The following RBMS3 variants were observed in gnomAD, a reference collection of about 807,000 sequenced individuals.
RBMS3 encodes RNA-binding motif, single-stranded-interacting protein 3.
Under a neutral mutation model 66.8 loss-of-function variants are expected in RBMS3, and 27 were observed. The ratio of observed to expected loss-of-function variants is 0.40; its 90% CI spans 0.30 to 0.56. The LOEUF is 0.56. Among genes scored for constraint, RBMS3 ranks in the 20% least tolerant of loss-of-function variants. The pLI is 0.40. For synonymous variants in RBMS3, 188 were observed against 183.0 expected, an observed-to-expected ratio of 1.03 and a Z score of -0.22; for missense variants, 513 against 549.5, an observed-to-expected ratio of 0.93 and a Z score of 0.66.
chr3:29,990,695 G>T (rs72849051), intron 13 of RBMS3, among the ~76,000 whole-genome samples: 21 of 152,178 alleles, frequency 1.4e-4, no homozygotes, highest in African/African-American at 4.8e-4. Context: ...ATCCCAAATG[G>T]TATAGACATG....
At chr3:29,658,327 G>A (rs993783288) in intron 4 of RBMS3, among the ~76,000 whole-genome samples, 40 of 152,166 alleles carry the variant, frequency 2.6e-4, no homozygotes, top group African/African-American at 9.2e-4. Flanking sequence ...TGTGGGCATA[G>A]CAGTCACCTG....
intron 4 of RBMS3, among the ~76,000 whole-genome samples, chr3:29,725,182 A>G (rs7616681): frequency 0.1 from 15,430 of 152,214 alleles, 889 homozygotes; most frequent in Middle Eastern, 0.21. Context: ...GAAAACATAT[A>G]ACTAAGAAAA....
At chr3:29,524,200 C>T (rs531615205) in intron 3 of RBMS3, among the ~76,000 whole-genome samples, 34 of 151,722 alleles carry the variant, frequency 2.2e-4, no homozygotes, top group Non-Finnish European at 3.8e-4. Context: ...ACCAGTAAGT[C>T]GCAGAAAGGG....
chr3:29,759,613 A>G lies in RBMS3; in HGVS notation c.558-3297A>G, dbSNP rs76007923. ...TCAACTGAAGCGTGTGCCAGATTCC[A>G]GACAGCTTGAGCTGGCATTTCAGAG... is the stretch of plus-strand genomic sequence containing the variant. On this transcript the variant is annotated intron_variant, in intron 5 of 14. Transcript: ENST00000383767. Among the ~76,000 whole-genome samples, 641 of 152,282 alleles carry G rather than the reference A, an allele frequency of 4.2e-3. 16 individuals carry two copies. Among genetic ancestry groups the G allele is most frequent in the Admixed American group, 0.035 (529 of 15,284 alleles).
At chr3:29,878,149 A>G (rs918631866) in intron 7 of RBMS3, among the ~76,000 whole-genome samples, 1 of 152,032 alleles carries the variant, frequency 6.6e-6, no homozygotes, top group Non-Finnish European at 1.5e-5. Context: ...TCCCAATCCA[A>G]TGAGAATCGA....
chr3:29,453,023 A>G (rs56034649), intron 2 of RBMS3, among the ~76,000 whole-genome samples: 3,258 of 152,244 alleles, frequency 0.021, 118 homozygotes, highest in African/African-American at 0.075. Flanking sequence ...TCTTGCTATT[A>G]ATATGTTGAT....
At chr3:29,684,916 T>C (rs773453260) in intron 4 of RBMS3, among the ~76,000 whole-genome samples, 1 of 152,084 alleles carries the variant, frequency 6.6e-6, no homozygotes, top group African/African-American at 2.4e-5. Flanking sequence ...CAGAATTCTG[T>C]TTGGTTTATG....
At chr3:29,506,370 T>G (rs1306867075) in intron 3 of RBMS3, among the ~76,000 whole-genome samples, 2 of 152,036 alleles carry the variant, frequency 1.3e-5, no homozygotes, top group African/African-American at 2.4e-5. Context: ...GTTAAGGTGA[T>G]TTATCATATT....
chr3:29,984,826 G>A (rs1053794955), intron 12 of RBMS3, among the ~76,000 whole-genome samples: 8 of 152,116 alleles, frequency 5.3e-5, no homozygotes, highest in African/African-American at 1.9e-4. Context: ...TGTATGAGGT[G>A]TCTGCCAGTC....
At chr3:29,323,198 C>T (rs923418524) in intron 1 of RBMS3, among the ~76,000 whole-genome samples, 1 of 152,138 alleles carries the variant, frequency 6.6e-6, no homozygotes, top group African/African-American at 2.4e-5. Context: ...CAAACACATA[C>T]ACAGTTGACA....
At chr3:29,987,807 T>A (rs189932095) in intron 12 of RBMS3, among the ~76,000 whole-genome samples, 17 of 152,156 alleles carry the variant, frequency 1.1e-4, no homozygotes, top group African/African-American at 4.1e-4. Context: ...AAAAGAGACA[T>A]CATCCCCAAC....
intron 10 of RBMS3, among the ~76,000 whole-genome samples, chr3:29,910,250 G>T (rs1453165945): frequency 1.3e-5 from 2 of 152,046 alleles, no homozygotes; most frequent in Admixed American, 1.3e-4. Context: ...TAGAGGTAGG[G>T]TAGATCATTT....
rs1025045207 is a variant in RBMS3 at position 29,488,601 on chromosome 3, T to G, written c.307+102T>G. The G allele has an allele frequency of 4.1e-6, 4 of 986,834 alleles. No individual in the cohort carries two copies. In the Admixed American group the frequency reaches 9.7e-5, roughly 24 times the overall value. The allele number at this position is 986,834 out of a possible 1,614,324, so 61.1% of individuals were successfully genotyped here. A position where few individuals can be genotyped will look rare whatever the true frequency, so the allele number is the denominator to read the frequency against. ...GGTACCAGCTGCACAATGATCACAATGCATAGTATGGAAAACCTCTTTAAT... is the reference window on the plus strand; with the variant it reads ...GGTACCAGCTGCACAATGATCACAAGGCATAGTATGGAAAACCTCTTTAAT... On this transcript the variant is annotated intron_variant, in intron 3 of 14. Coordinates refer to ENST00000383767, the MANE Select transcript of RBMS3 (RefSeq NM_001003793.3).
rs1201588705 is a variant in RBMS3 at position 29,690,556 on chromosome 3, G to T, written c.400-49164G>T. On this transcript the variant is annotated intron_variant, in intron 4 of 14. Transcript: ENST00000383767. ...TTTCTTTGTGATAACTTTGAAATGG[G>T]TTATATATTTTCATGACTCAGTTTT... 2.0e-5 allele frequency among the ~76,000 whole-genome samples: 3 copies of T among 152,110 alleles called. No individual in the cohort carries two copies. In the East Asian group the frequency reaches 5.8e-4, roughly 29 times the overall value.
At chr3:29,446,660 T>G (rs993264153) in intron 2 of RBMS3, among the ~76,000 whole-genome samples, 2 of 152,136 alleles carry the variant, frequency 1.3e-5, no homozygotes, top group Non-Finnish European at 2.9e-5. Context: ...GCTTTGATAG[T>G]AAAAGGGAAG....
At chr3:29,432,884 G>T (rs941828744) in intron 1 of RBMS3, among the ~76,000 whole-genome samples, 1 of 152,140 alleles carries the variant, frequency 6.6e-6, no homozygotes, top group African/African-American at 2.4e-5. Flanking sequence ...TGGAGAAAAA[G>T]TCTGATAAAA....
At chr3:29,898,112 C>T (rs775538564) in intron 9 of RBMS3, among the ~76,000 whole-genome samples, 2 of 151,620 alleles carry the variant, frequency 1.3e-5, no homozygotes, top group South Asian at 2.1e-4. Context: ...ATTCCAAGTA[C>T]ATAGGTCGAT....
intron 3 of RBMS3, among the ~76,000 whole-genome samples, chr3:29,580,103 T>C (rs1302163933): frequency 6.6e-6 from 1 of 152,226 alleles, no homozygotes; most frequent in East Asian, 1.9e-4. Flanking sequence ...CTAAATACTT[T>C]GCTCTCTAAA....
intron 10 of RBMS3, among the ~76,000 whole-genome samples, chr3:29,919,812 C>T (rs2060723796): frequency 1.3e-5 from 2 of 152,230 alleles, no homozygotes; most frequent in Non-Finnish European, 2.9e-5. Context: ...GCTCCTGCTG[C>T]TTTCAGCATT....
Sources: gnomAD v4.1 joint callset for allele counts (sites outside exome capture counted in the v4.1 genomes callset) on GRCh38, gnomAD v4.1.1 for gene constraint, MANE v1.5 for transcripts, NCBI Gene and HGNC (gene_info 2026-07-23, HGNC 2026-07-21) for gene names.